The following MACF1 variants were observed in gnomAD, a reference collection of about 807,000 sequenced individuals.
MACF1 encodes the protein microtubule-actin cross-linking factor 1.
In MACF1, 193 loss-of-function variants were observed where a neutral mutation model predicts 854.8. That is an observed-to-expected ratio of 0.23 (90% confidence interval 0.20 to 0.25). The LOEUF is 0.25. Among genes scored for constraint, MACF1 ranks in the 10% least tolerant of loss-of-function variants. The pLI is 1.00. For missense variants in MACF1, 7,722 were observed against 8,929.1 expected (o/e 0.86, Z 5.45); for synonymous variants, 3,185 against 3,226.7 (o/e 0.99, Z 0.44).
Position 39,284,992 on chromosome 1 carries a change from A to G in MACF1, c.1132-91A>G. The G allele has an allele frequency of 3.3e-6, 5 of 1,513,466 alleles. No homozygotes were observed. The South Asian group carries it at 6.3e-5, about 19-fold the overall frequency. 93.8% of individuals were successfully genotyped at this position (1,513,466 alleles called of 1,614,324 possible). A position where few individuals can be genotyped will look rare whatever the true frequency, so the allele number is the denominator to read the frequency against. ...AGGAAAAACTGCTGAATGGCTGGGT[A>G]AAGAAGCAAGAAGTGATGTGCAAAT... On this transcript the variant is annotated intron_variant, in intron 11 of 100. Transcript: ENST00000564288.
At chr1:39,439,218 C>T (rs1644050347) in intron 71 of MACF1, 56 bp from the exon 72 acceptor site, 1 of 1,022,428 alleles carries the variant, frequency 9.8e-7, no homozygotes, top group Non-Finnish European at 1.5e-6. Flanking sequence ...TCTGAATAGA[C>T]CAATTTCAGG....
rs55759760 is a variant in MACF1, at chr1:39,226,560, C to T, written c.110-4622C>T. On this transcript the variant is annotated intron_variant, in intron 1 of 100. Coordinates refer to ENST00000564288, the MANE Select transcript of MACF1 (RefSeq NM_001394062.1). ...TTTACTATGTTGGTCAGGCTGGTCT[C>T]GAACGCCTGACCTCGTGATCCACCC... 1.1e-3 allele frequency among the ~76,000 whole-genome samples: 161 copies of T among 152,046 alleles called. 1 individual carries two copies. Among genetic ancestry groups the T allele is most frequent in the Middle Eastern group, 3.4e-3 (1 of 294 alleles).
chr1:39,418,004 C>T (rs930435684), intron 58 of MACF1, among the ~76,000 whole-genome samples: 2 of 151,976 alleles, frequency 1.3e-5, no homozygotes, highest in African/African-American at 4.8e-5. Context: ...GAAAACCACA[C>T]ATAAATAAAT....
intron 16 of MACF1, 82 bp downstream of exon 16, chr1:39,292,120 TGAA>T: frequency 1.3e-6 from 2 of 1,500,870 alleles, no homozygotes; most frequent in Non-Finnish European, 1.8e-6. Flanking sequence ...AAAGCTGTAT[TGAA>T]GGAGGAGGGT....
At chr1:39,463,571 G>A in intron 93 of MACF1, 41 bp from the exon 94 acceptor site, 1 of 1,400,170 alleles carries the variant, frequency 7.1e-7, no homozygotes, top group South Asian at 1.2e-5. Flanking sequence ...AGGAAGTTTT[G>A]CTCTACCCTT....
Position 39,095,244 on chromosome 1 carries a change from G to C in MACF1, c.220+10806G>C, listed in dbSNP as rs184907952. Among the ~76,000 whole-genome samples, 724 of 152,170 alleles carry C rather than the reference G, an allele frequency of 4.8e-3. 1 individual carries two copies. Among genetic ancestry groups the C allele is most frequent in the Non-Finnish European group, 7.3e-3 (493 of 67,982 alleles). The stretch of plus-strand genomic sequence containing the variant: ...GTATGGGGCAAGACTCCTGAAATAG[G>C]GGTCTCATGATTATAGTCAGAAATG... On this transcript the variant is annotated intron_variant, in intron 2 of 93. Transcript: ENST00000361689.
intron 58 of MACF1, among the ~76,000 whole-genome samples, chr1:39,400,558 G>A (rs1642438922): frequency 6.6e-6 from 1 of 151,470 alleles, no homozygotes; most frequent in Non-Finnish European, 1.5e-5. Context: ...CAAGCCTGAA[G>A]TGCAGTGGCA....
At position 39,277,833 on chromosome 1, in the gene MACF1, G is replaced by A. The variant is rs544978319; in HGVS notation, c.529-4375G>A. Among the ~76,000 whole-genome samples, 26 of 152,238 alleles carry A rather than the reference G, an allele frequency of 1.7e-4. 1 individual carries two copies. Among genetic ancestry groups the A allele is most frequent in the African/African-American group, 6.3e-4 (26 of 41,548 alleles). ...GTGTTTTTTTATTTTGAGATATCAA[G>A]AATTTAAGCACAGCTCCTAGAATAT... On this transcript the variant is annotated intron_variant, in intron 6 of 100. Transcript: ENST00000564288.
At chr1:39,276,468 A>G (rs773152495) in intron 6 of MACF1, among the ~76,000 whole-genome samples, 4 of 152,184 alleles carry the variant, frequency 2.6e-5, no homozygotes, top group Non-Finnish European at 4.4e-5. Flanking sequence ...TATCTTTTCT[A>G]TCGGTTCCCA....
intron 50 of MACF1, among the ~76,000 whole-genome samples, chr1:39,368,674 G>C (rs1009999621): frequency 6.6e-6 from 1 of 151,816 alleles, no homozygotes; most frequent in African/African-American, 2.4e-5. Context: ...GCTAATTTTT[G>C]CATTTTTAGT....
intron 1 of MACF1, among the ~76,000 whole-genome samples, chr1:39,212,573 CAT>C (rs1254372587): frequency 1.3e-5 from 2 of 152,140 alleles, no homozygotes; most frequent in East Asian, 1.9e-4. Flanking sequence ...GAAGTTGCCA[CAT>C]GTGTTCATTT....
intron 58 of MACF1, among the ~76,000 whole-genome samples, chr1:39,404,983 ATGGTTT>A (rs1642638541): frequency 1.3e-5 from 2 of 152,050 alleles, no homozygotes; most frequent in Non-Finnish European, 1.5e-5. Flanking sequence ...TGTCATCACC[ATGGTTT>A]TGGTGACCAT....
chr1:39,454,405 TTTTC>T (rs1644396208), intron 88 of MACF1, among the ~76,000 whole-genome samples: 1 of 152,164 alleles, frequency 6.6e-6, no homozygotes, highest in Admixed American at 6.5e-5. Context: ...CTATACTAGA[TTTTC>T]TTTCAGGAGG....
At chr1:39,150,308 C>T (rs1335669078) in intron 2 of MACF1, among the ~76,000 whole-genome samples, 3 of 152,126 alleles carry the variant, frequency 2.0e-5, no homozygotes, top group Admixed American at 1.3e-4. Flanking sequence ...TGTGAGCCAC[C>T]GTGCCTGGCA....
intron 2 of MACF1, among the ~76,000 whole-genome samples, chr1:39,145,070 C>T (rs1268627300): frequency 6.6e-6 from 1 of 152,058 alleles, no homozygotes; most frequent in Non-Finnish European, 1.5e-5. Flanking sequence ...CAGTGCTGGA[C>T]CTGTGTTCAT....
chr1:39,326,919 A>ATGGG (rs1315740813), intron 35 of MACF1, among the ~76,000 whole-genome samples: 1 of 152,132 alleles, frequency 6.6e-6, no homozygotes, highest in Admixed American at 6.5e-5. Flanking sequence ...GAAGTCTAAG[A>ATGGG]TTTCAGAAGC....
intron 2 of MACF1, among the ~76,000 whole-genome samples, chr1:39,121,605 C>G (rs1642714778): frequency 6.6e-6 from 1 of 152,098 alleles, no homozygotes; most frequent in South Asian, 2.1e-4. Flanking sequence ...TGCCACCACT[C>G]CGGGCTAACT....
chr1:39,137,322 G>A (rs953005061), intron 2 of MACF1, among the ~76,000 whole-genome samples: 2 of 152,094 alleles, frequency 1.3e-5, no homozygotes, highest in Non-Finnish European at 2.9e-5. Flanking sequence ...TGTGTGCCTC[G>A]GCCTCTCAAA....
chr1:39,166,416 A>ATATTTATT (rs56404463), intron 2 of MACF1, among the ~76,000 whole-genome samples: 14 of 149,118 alleles, frequency 9.4e-5, no homozygotes, highest in Non-Finnish European at 1.5e-4. Context: ...CCAGCACTAG[A>ATATTTATT]TATTTATTTA....
Sources: allele counts gnomAD v4.1 joint callset (sites outside exome capture counted in the v4.1 genomes callset), GRCh38; gene constraint gnomAD v4.1.1; transcripts MANE v1.5; gene names NCBI Gene and HGNC (gene_info 2026-07-23, HGNC 2026-07-21).